VPS37A: variants seen among roughly 807,000 people sequenced by gnomAD.
The protein encoded by VPS37A is VPS37A subunit of ESCRT-I.
Under a neutral mutation model 49.8 loss-of-function variants are expected in VPS37A, and 30 were observed. That is an observed-to-expected ratio of 0.60 (90% CI 0.45 to 0.82). VPS37A has a LOEUF of 0.82. Among genes scored for constraint, VPS37A ranks in the 40% least tolerant of loss-of-function variants. The pLI is 0.00. For synonymous variants in VPS37A, 195 were observed against 160.6 expected (o/e 1.21, Z -1.62); for missense variants, 593 against 464.4 (o/e 1.28, Z -2.55).
At position 17,296,196 on chromosome 8, in the gene VPS37A, G is replaced by A. The variant is rs1816617960; in HGVS notation, c.*1210G>A. On this transcript the variant is annotated 3_prime_UTR_variant, in exon 12 of 12. Coordinates refer to ENST00000324849, the MANE Select transcript of VPS37A (RefSeq NM_152415.3). ...ACATGTTTTTGGCAATAAAGTTATAGGAAGAACAAAATTATTTTGTTAGAA... is the reference window on the plus strand; with the variant it reads ...ACATGTTTTTGGCAATAAAGTTATAAGAAGAACAAAATTATTTTGTTAGAA... The A allele has an allele frequency of 1.3e-5, 2 of 152,050 alleles. No individual in the cohort carries two copies. The highest frequency in any genetic ancestry group is 2.4e-5 in the African/African-American group (1 of 41,382). 9.4% of individuals were successfully genotyped at this position (152,050 alleles called of 1,614,324 possible). A position where few individuals can be genotyped will look rare whatever the true frequency, so the allele number is the denominator to read the frequency against.
At chr8:17,291,905 T>G (rs1424793948) in intron 11 of VPS37A, among the ~76,000 whole-genome samples, 1 of 152,182 alleles carries the variant, frequency 6.6e-6, no homozygotes, top group African/African-American at 2.4e-5. Context: ...TGTGGCCAAT[T>G]TTAGAATAAT....
downstream of VPS37A, chr8:17,299,800 G>T (rs1362183916): frequency 4.4e-6 from 7 of 1,584,464 alleles, no homozygotes; most frequent in African/African-American, 1.4e-5. Flanking sequence ...AAACCACCTT[G>T]TTCCCTTGTT....
At chr8:17,264,047 C>A (rs539100813) in intron 1 of VPS37A, among the ~76,000 whole-genome samples, 1 of 152,186 alleles carries the variant, frequency 6.6e-6, no homozygotes, top group Non-Finnish European at 1.5e-5. Flanking sequence ...CACTTATTTG[C>A]CTGGTACTGT....
At chr8:17,308,090 A>G in the VPS37A span, among the ~76,000 whole-genome samples, 1 of 151,950 alleles carries the variant, frequency 6.6e-6, no homozygotes, top group Non-Finnish European at 1.5e-5. Context: ...TAATTGCATT[A>G]TGGGAGACTG....
At chr8:17,311,501 C>T in the VPS37A span, 1 of 1,614,066 alleles carries the variant, frequency 6.2e-7, no homozygotes, top group Non-Finnish European at 8.5e-7. Flanking sequence ...CGCCCAGTGG[C>T]CACACTCACC....
At chr8:17,275,733 C>A (rs527984124) in intron 5 of VPS37A, among the ~76,000 whole-genome samples, 2 of 152,266 alleles carry the variant, frequency 1.3e-5, no homozygotes, top group African/African-American at 4.8e-5. Context: ...TCAATTAAAA[C>A]CCTCAGTGAA....
At chr8:17,328,010 A>G in the VPS37A span, among the ~76,000 whole-genome samples, 2 of 152,264 alleles carry the variant, frequency 1.3e-5, no homozygotes, top group African/African-American at 4.8e-5. Flanking sequence ...CTCAATTTTT[A>G]GTTTAATGAA....
intron 11 of VPS37A, among the ~76,000 whole-genome samples, chr8:17,287,888 G>A (rs560744742): frequency 1.3e-5 from 2 of 152,156 alleles, no homozygotes; most frequent in South Asian, 2.1e-4. Context: ...CTGCCCAGTC[G>A]ACTGGGCTGA....
intron 6 of VPS37A, among the ~76,000 whole-genome samples, chr8:17,278,597 C>T (rs1814745644): frequency 6.6e-6 from 1 of 152,068 alleles, no homozygotes; most frequent in African/African-American, 2.4e-5. Flanking sequence ...TTTCTTCTCC[C>T]AGACCTAGAG....
intron 1 of VPS37A, among the ~76,000 whole-genome samples, chr8:17,257,133 C>G (rs1250914565): frequency 6.6e-6 from 1 of 152,090 alleles, no homozygotes; most frequent in Admixed American, 6.5e-5. Context: ...TAGTTTCATT[C>G]TTCAGCATAT....
At chr8:17,321,066 C>T in the VPS37A span, among the ~76,000 whole-genome samples, 8 of 152,128 alleles carry the variant, frequency 5.3e-5, no homozygotes, top group Middle Eastern at 3.2e-3. Context: ...TTAGCATTCT[C>T]GTTGATTATA....
chr8:17,290,586 A>G (rs1205889056), intron 11 of VPS37A, among the ~76,000 whole-genome samples: 2 of 152,136 alleles, frequency 1.3e-5, no homozygotes, highest in African/African-American at 4.8e-5. Flanking sequence ...TTGCCAGTAC[A>G]TTAATGAGGA....
chr8:17,303,525 AG>A (rs1168374233), downstream of VPS37A, among the ~76,000 whole-genome samples: 2 of 152,134 alleles, frequency 1.3e-5, no homozygotes, highest in African/African-American at 4.8e-5. Context: ...AGGAAGCCAA[AG>A]GAAAAAACAT....
the VPS37A span, among the ~76,000 whole-genome samples, chr8:17,318,845 C>CCCTGCTG: frequency 6.6e-6 from 1 of 152,204 alleles, no homozygotes; most frequent in Non-Finnish European, 1.5e-5. Flanking sequence ...CCTCTCCAGC[C>CCCTGCTG]CCTGCTGCAG....
chr8:17,266,564 C>T (rs1813475626), intron 2 of VPS37A, among the ~76,000 whole-genome samples: 1 of 152,106 alleles, frequency 6.6e-6, no homozygotes, highest in African/African-American at 2.4e-5. Context: ...GCTGTGATTA[C>T]CTGAGGTTAC....
chr8:17,324,243 C>G, the VPS37A span, among the ~76,000 whole-genome samples: 3 of 151,606 alleles, frequency 2.0e-5, no homozygotes, highest in East Asian at 5.8e-4. Context: ...ATAGAACACT[C>G]TCAGTAACTG....
At chr8:17,305,182 A>C (rs1296395092), downstream of VPS37A, among the ~76,000 whole-genome samples, 1 of 152,178 alleles carries the variant, frequency 6.6e-6, no homozygotes, top group Middle Eastern at 3.2e-3. Flanking sequence ...TCATTCCCCA[A>C]ATTAAATCTG....
chr8:17,247,792 A>G, intron 1 of VPS37A: 1 of 702,434 alleles, frequency 1.4e-6, no homozygotes, highest in South Asian at 1.5e-5. Context: ...GGAAAATAGA[A>G]CTGTTGCAAC....
At chr8:17,321,975 T>G in the VPS37A span, among the ~76,000 whole-genome samples, 2 of 152,222 alleles carry the variant, frequency 1.3e-5, no homozygotes, top group African/African-American at 4.8e-5. Flanking sequence ...TATACCACTC[T>G]TATTTTCTCC....
Sources: allele counts gnomAD v4.1 joint callset (sites outside exome capture counted in the v4.1 genomes callset), GRCh38; gene constraint gnomAD v4.1.1; transcripts MANE v1.5; gene names NCBI Gene and HGNC (gene_info 2026-07-23, HGNC 2026-07-21).